Variants in SENP1 observed in about 807,000 individuals in gnomAD.
The protein encoded by SENP1 is sentrin-specific protease 1.
A neutral mutation model predicts 93.0 loss-of-function variants in SENP1; 21 were observed. That is an observed-to-expected ratio of 0.23 (90% CI 0.16 to 0.33). The LOEUF is 0.33. Ranked by LOEUF, SENP1 falls within the 10% of genes least tolerant of loss-of-function variation. SENP1 has a pLI of 1.00. For missense variants in SENP1, 591 were observed against 758.7 expected, an observed-to-expected ratio of 0.78 and a Z score of 2.60; for synonymous variants, 256 against 259.6, an observed-to-expected ratio of 0.99 and a Z score of 0.13.
At position 48,045,217 on chromosome 12, in the gene SENP1, G is replaced by T; in HGVS notation, c.*105C>A. The T allele has an allele frequency of 1.1e-6, 1 of 893,610 alleles. No homozygotes were observed. The highest frequency in any genetic ancestry group is 1.8e-6 in the Non-Finnish European group (1 of 544,328). The allele number at this position is 893,610 out of a possible 1,614,324, so 55.4% of individuals were successfully genotyped here. On this transcript the variant is annotated 3_prime_UTR_variant, in exon 18 of 18. Transcript: ENST00000549518. ...CAGGGCCTGGTCCAGGATCAAGGGT[G>T]TTACAACAGCAGAGGGCTGGGAGCA...
chr12:48,074,194 C>T (rs11168386), intron 8 of SENP1, 130 bp downstream of exon 8: 149,034 of 792,044 alleles, frequency 0.19, 15,261 homozygotes, highest in East Asian at 0.25. Context: ...TGGAACATTT[C>T]GGACTTCATA....
chr12:48,087,124 CAGATGCAAAACTA>C (rs1944929329), intron 5 of SENP1, among the ~76,000 whole-genome samples: 1 of 152,086 alleles, frequency 6.6e-6, no homozygotes, highest in African/African-American at 2.4e-5. Context: ...CAATAACTTC[CAGATGCAAAACTA>C]AACTAACTAT....
rs1316934968 is a variant in SENP1, at chr12:48,061,953, T to C, written c.1407+1757A>G. Reference sequence around the variant, plus strand: ...CTACAAAAGTTATGGCTAGGGGTGGTAGGGATAAAGTAGACAAAGAATCTT... The same window carrying C: ...CTACAAAAGTTATGGCTAGGGGTGGCAGGGATAAAGTAGACAAAGAATCTT... On this transcript the variant is annotated intron_variant, in intron 13 of 17. Coordinates refer to ENST00000549518, the MANE Select transcript of SENP1 (RefSeq NM_001267594.2). 8.5e-5 allele frequency among the ~76,000 whole-genome samples: 13 copies of C among 152,118 alleles called. 1 individual carries two copies. Among genetic ancestry groups the C allele is most frequent in the Admixed American group, 7.9e-4 (12 of 15,260 alleles).
rs538829835 is a variant in SENP1 at position 48,090,057 on chromosome 12, C to T, written c.221-1097G>A. Among the ~76,000 whole-genome samples, 4 of 152,252 alleles carry T rather than the reference C, an allele frequency of 2.6e-5. No individual in the cohort carries two copies. The South Asian group carries it at 8.3e-4, about 32-fold the overall frequency. ...AAGAAGAAGTCATGGCTGGTATTAG[C>T]ACTTGTTAATTCAACAGTTGGTGAC... On this transcript the variant is annotated intron_variant, in intron 4 of 17. Coordinates refer to ENST00000549518, the MANE Select transcript of SENP1 (RefSeq NM_001267594.2).
At chr12:48,098,682 G>A (rs1209248108) in intron 2 of SENP1, among the ~76,000 whole-genome samples, 2 of 149,870 alleles carry the variant, frequency 1.3e-5, no homozygotes, top group Non-Finnish European at 3.0e-5. Context: ...AATGTGGCAC[G>A]TGTCTGTAGC....
At chr12:48,093,000 G>GAA (rs1945309934) in intron 4 of SENP1, among the ~76,000 whole-genome samples, 3 of 152,126 alleles carry the variant, frequency 2.0e-5, no homozygotes, top group African/African-American at 4.8e-5. Context: ...AAACCATAGG[G>GAA]AAAATAATGA....
rs1016528440 is a variant in SENP1, at chr12:48,050,144, A to T, written c.1408-1012T>A. ...GCTGAGGTCAGGCCAGTGTCTGTCA[A>T]CTGCAAGGAATGAATGGGCTAACTG... is the stretch of plus-strand genomic sequence containing the variant. On this transcript the variant is annotated intron_variant, in intron 13 of 17. Coordinates refer to ENST00000549518, the MANE Select transcript of SENP1 (RefSeq NM_001267594.2). Among the ~76,000 whole-genome samples, 3 of 152,220 alleles carry T rather than the reference A, an allele frequency of 2.0e-5. No individual in the cohort carries two copies. The East Asian group carries it at 5.8e-4, about 29-fold the overall frequency.
chr12:48,089,022 C>T, intron 4 of SENP1, 62 bp from the exon 5 acceptor site: 1 of 1,531,264 alleles, frequency 6.5e-7, no homozygotes. Context: ...CTTATGACTG[C>T]AACCATGACC....
At chr12:48,067,325 T>C (rs946732238) in intron 9 of SENP1, among the ~76,000 whole-genome samples, 3 of 152,194 alleles carry the variant, frequency 2.0e-5, no homozygotes, top group Admixed American at 2.0e-4. Flanking sequence ...TCTTCCCAAA[T>C]GACTCAGATT....
chr12:48,082,803 C>T (rs188403889), intron 6 of SENP1, among the ~76,000 whole-genome samples: 7 of 152,268 alleles, frequency 4.6e-5, no homozygotes, highest in Non-Finnish European at 1.0e-4. Flanking sequence ...AAAGGTCTTA[C>T]TCATAATGAA....
intron 2 of SENP1, among the ~76,000 whole-genome samples, chr12:48,099,735 C>A (rs549707210): frequency 6.6e-6 from 1 of 152,074 alleles, no homozygotes; most frequent in Admixed American, 6.5e-5. Context: ...CGCTTGAACC[C>A]AAGGCAGAGG....
At chr12:48,051,880 C>T (rs1310599521) in intron 13 of SENP1, among the ~76,000 whole-genome samples, 1 of 152,228 alleles carries the variant, frequency 6.6e-6, no homozygotes, top group Non-Finnish European at 1.5e-5. Flanking sequence ...TGCTATTTGT[C>T]TCACCAATAT....
At chr12:48,046,218 A>G in intron 17 of SENP1, 138 bp downstream of exon 17, 1 of 599,982 alleles carries the variant, frequency 1.7e-6, no homozygotes, top group Admixed American at 2.7e-5. Context: ...AGTAACCATC[A>G]GTGTTATGAA....
At chr12:48,069,400 A>G (rs1943527128) in intron 9 of SENP1, among the ~76,000 whole-genome samples, 1 of 152,168 alleles carries the variant, frequency 6.6e-6, no homozygotes, top group Non-Finnish European at 1.5e-5. Flanking sequence ...CAGAGTAGGC[A>G]CCAACTTTGA....
intron 16 of SENP1, among the ~76,000 whole-genome samples, chr12:48,046,717 C>T (rs1018504887): frequency 1.1e-4 from 16 of 152,194 alleles, no homozygotes; most frequent in African/African-American, 3.6e-4. Flanking sequence ...CCCCCAGAGG[C>T]CAAATAATCA....
intron 5 of SENP1, among the ~76,000 whole-genome samples, chr12:48,083,994 C>A (rs1310076431): frequency 6.6e-6 from 1 of 152,182 alleles, no homozygotes; most frequent in Non-Finnish European, 1.5e-5. Flanking sequence ...ACACTTAAAA[C>A]TGCATTTTTA....
At chr12:48,051,676 G>C (rs990247310) in intron 13 of SENP1, among the ~76,000 whole-genome samples, 1 of 152,218 alleles carries the variant, frequency 6.6e-6, no homozygotes, top group African/African-American at 2.4e-5. Context: ...GAAGGAAAAA[G>C]AAATGAGAGA....
At chr12:48,104,255 ACGGGGGGGGGGGGGGGGGCGGAGGGAGG>A (rs1274253158) in intron 1 of SENP1, among the ~76,000 whole-genome samples, 2 of 536 alleles carry the variant, frequency 3.7e-3, no homozygotes, top group Non-Finnish European at 9.5e-3. Flanking sequence ...AGAGAGAGAG[ACGGGGGGGGGGGGGGGGGCGGAGGGAGG>A]GAGAGAGAGA....
intron 3 of SENP1, 104 bp downstream of exon 3, chr12:48,097,890 T>G: frequency 9.7e-7 from 1 of 1,026,662 alleles, no homozygotes; most frequent in African/African-American, 1.6e-5. Flanking sequence ...AAAAAGTTTA[T>G]AGCTATGCTT....
Sources: allele counts gnomAD v4.1 joint callset (sites outside exome capture counted in the v4.1 genomes callset), GRCh38; gene constraint gnomAD v4.1.1; transcripts MANE v1.5; gene names NCBI Gene and HGNC (gene_info 2026-07-23, HGNC 2026-07-21).